ZNF799: variants seen among roughly 807,000 people sequenced by gnomAD.
The protein encoded by ZNF799 is zinc finger protein 14.
Under a neutral mutation model 41.0 loss-of-function variants are expected in ZNF799, and 28 were observed. The ratio of observed to expected loss-of-function variants is 0.68; its 90% CI spans 0.51 to 0.94. ZNF799 has a LOEUF of 0.94. Ranked by LOEUF, ZNF799 falls within the 40% of genes least tolerant of loss-of-function variation. The pLI is 0.00. For missense variants in ZNF799, 716 were observed against 764.3 expected (o/e 0.94, Z 0.74); for synonymous variants, 213 against 252.9 (o/e 0.84, Z 1.50).
rs1161889744 is a variant in ZNF799, at chr19:12,390,145, G to C, written c.*321C>G. 4.3e-6 allele frequency: 2 copies of C among 466,658 alleles called. No homozygotes were observed. The highest frequency in any genetic ancestry group is 7.6e-6 in the Non-Finnish European group (2 of 262,812). The allele number at this position is 466,658 out of a possible 1,614,324, so 28.9% of individuals were successfully genotyped here. ...TCATGAGTCCCTAAACAATACAATAGAACAACTATTTGCATAGCTTTTACA... is the reference window on the plus strand; with the variant it reads ...TCATGAGTCCCTAAACAATACAATACAACAACTATTTGCATAGCTTTTACA... On this transcript the variant is annotated 3_prime_UTR_variant, in exon 4 of 4. Transcript: ENST00000430385.
chr19:12,401,689 C>T (rs192074769), upstream of ZNF799, among the ~76,000 whole-genome samples: 177 of 151,240 alleles, frequency 1.2e-3, no homozygotes, highest in African/African-American at 4.2e-3. Flanking sequence ...ACAATTCTGC[C>T]TCAGCCTCCC....
upstream of ZNF799, among the ~76,000 whole-genome samples, chr19:12,404,978 G>A (rs1433688864): frequency 6.6e-6 from 1 of 152,064 alleles, no homozygotes; most frequent in Non-Finnish European, 1.5e-5. Flanking sequence ...CATTAATCTG[G>A]TGGGCACAAT....
rs778721750 is a variant in ZNF799, at chr19:12,390,902, G to A, written c.1496C>T (p.Thr499Ile). The change falls in exon 4 of 4, where the codon ACA becomes ATA. Residue 499 changes from threonine (T) to isoleucine (I), a missense_variant. Transcript: ENST00000430385. Reference protein sequence around the residue: ...QYLSQHRRTHTGEKPYECNTC... With the variant: ...QYLSQHRRTHIGEKPYECNTC... ...GTTACACTCATAAGGTTTCTCTCCT[G>A]TGTGAGTCCTTCTATGTTGAGAAAG... 6 of 1,613,772 alleles carry A rather than the reference G, an allele frequency of 3.7e-6. No homozygotes were observed. Among genetic ancestry groups the A allele is most frequent in the South Asian group, 1.1e-5 (1 of 91,072 alleles).
chr19:12,408,984 G>A, the ZNF799 span, among the ~76,000 whole-genome samples: 261 of 151,910 alleles, frequency 1.7e-3, no homozygotes, highest in African/African-American at 4.0e-3. Flanking sequence ...GCAGTGAGCC[G>A]AGATCGCGCC....
the ZNF799 span, among the ~76,000 whole-genome samples, chr19:12,410,173 A>G: frequency 1.6e-5 from 2 of 122,906 alleles, no homozygotes; most frequent in South Asian, 6.5e-4. Flanking sequence ...AAATATATAT[A>G]TATACATACA....
At chr19:12,399,084 A>C (rs957961303) in intron 1 of ZNF799, among the ~76,000 whole-genome samples, 14 of 152,310 alleles carry the variant, frequency 9.2e-5, no homozygotes, top group Middle Eastern at 6.8e-3. Context: ...ATGTATTTTA[A>C]GGTTAATCAA....
chr19:12,404,335 A>G (rs1970016110), upstream of ZNF799, among the ~76,000 whole-genome samples: 1 of 152,196 alleles, frequency 6.6e-6, no homozygotes, highest in Admixed American at 6.5e-5. Context: ...ATATTGAGAT[A>G]ATCTTTGTCG....
chr19:12,400,988 C>G (rs190438104), intron 1 of ZNF799, 80 bp downstream of exon 1: 1 of 1,612,854 alleles, frequency 6.2e-7, no homozygotes, highest in Non-Finnish European at 8.5e-7. Flanking sequence ...CTTGGGGAGG[C>G]CCGGGTCCAG....
intron 1 of ZNF799, chr19:12,400,300 G>C (rs1969956590): frequency 9.9e-5 from 15 of 152,204 alleles, no homozygotes; most frequent in Admixed American, 9.2e-4. Flanking sequence ...CTGGTGACTC[G>C]TCGTCACCGT....
chr19:12,391,575 G>C lies in ZNF799; in HGVS notation c.823C>G (p.His275Asp). The C allele has an allele frequency of 6.2e-7, 1 of 1,614,146 alleles. No homozygotes were observed. Among genetic ancestry groups the C allele is most frequent in the South Asian group, 1.1e-5 (1 of 91,080 alleles). ...CATGTATAGGGTTTCTTTCCAGTGT[G>C]AGTTCTTTCATGTCTTAGACAAGAA... Reference protein sequence around the residue: ...YSSCLRHERTHTGKKPYTCKQ... With the variant: ...YSSCLRHERTDTGKKPYTCKQ... Residue 275 changes from histidine to aspartate, a missense_variant, in exon 4 of 4, where the codon CAC becomes GAC. By Grantham distance (81) the His-to-Asp change is moderately conservative (BLOSUM62 -1). Around this residue, in one of 2 missense-constraint regions of ZNF799, gnomAD observed 698 missense variants for 713.6 expected, o/e 0.98. Coordinates refer to ENST00000430385, the MANE Select transcript of ZNF799 (RefSeq NM_001080821.3).
the ZNF799 span, among the ~76,000 whole-genome samples, chr19:12,413,015 G>T: frequency 7.5e-6 from 1 of 132,906 alleles, no homozygotes; most frequent in Non-Finnish European, 1.5e-5. Context: ...CCATTGCACT[G>T]CAGCATGGGC....
In ZNF799 at chr19:12,392,554, T is replaced by G. The variant is rs537396045; in HGVS notation, c.191+49A>C. The G allele has an allele frequency of 2.7e-6, 4 of 1,477,320 alleles. No individual in the cohort carries two copies. The East Asian group carries it at 9.1e-5, about 34-fold the overall frequency. The allele number at this position is 1,477,320 out of a possible 1,614,324, so 91.5% of individuals were successfully genotyped here. On this transcript the variant is annotated intron_variant, in intron 3 of 3. Coordinates refer to ENST00000430385, the MANE Select transcript of ZNF799 (RefSeq NM_001080821.3). ...GCTTGTTTTTAAATTTTCATATCAT[T>G]CTCAGAACGGCTCCAGGGACATATC...
chr19:12,390,587 T>C lies in ZNF799; in HGVS notation c.1811A>G (p.His604Arg), dbSNP rs1467050159. Residue 604 changes from histidine to arginine, a missense_variant, in exon 4 of 4, where the codon CAT (histidine) becomes CGT (arginine). Transcript: ENST00000430385. ...GKAFASLSSL[H>R]RHKKTHWKKT... ...TTTCCAGTGAGTCTTTTTATGTCTATGCAAGGAACTGAGAGAAGCAAATGC... is the reference window on the plus strand; with the variant it reads ...TTTCCAGTGAGTCTTTTTATGTCTACGCAAGGAACTGAGAGAAGCAAATGC... 4.3e-6 allele frequency: 7 copies of C among 1,613,810 alleles called. No individual in the cohort carries two copies. The Admixed American group carries it at 1.0e-4, about 23-fold the overall frequency.
At position 12,391,093 on chromosome 19, in the gene ZNF799, A is replaced by G. The variant is rs556226523; in HGVS notation, c.1305T>C (p.Ser435=). Residue 435 remains serine, a synonymous_variant, in exon 4 of 4, where the codon TCT becomes TCC. Transcript: ENST00000430385. ...TATGAGTTGTTTCATGCCTTCGAAGAGAACTGGAAATACGGTAGGCTTTGC... is the reference window on the plus strand; with the variant it reads ...TATGAGTTGTTTCATGCCTTCGAAGGGAACTGGAAATACGGTAGGCTTTGC... ...QCGKAYRISS[S]LRRHETTHTG... 2.1e-4 allele frequency: 333 copies of G among 1,614,064 alleles called. 2 individuals are homozygous for G. In the African/African-American group the frequency reaches 2.9e-3, roughly 14 times the overall value.
chr19:12,398,165 A>C (rs1969927755), intron 1 of ZNF799: 1 of 152,032 alleles, frequency 6.6e-6, no homozygotes, highest in Non-Finnish European at 1.5e-5. Flanking sequence ...AGGCTGAGGC[A>C]GGAGAATCGC....
chr19:12,396,818 G>C (rs1057361870), intron 1 of ZNF799, among the ~76,000 whole-genome samples: 1 of 151,360 alleles, frequency 6.6e-6, no homozygotes, highest in African/African-American at 2.4e-5. Flanking sequence ...AAAAAAAAAG[G>C]AATGAAATTG....
chr19:12,400,979 T>C (rs1969973728), intron 1 of ZNF799, 89 bp downstream of exon 1: 3 of 1,611,562 alleles, frequency 1.9e-6, no homozygotes, highest in Non-Finnish European at 2.5e-6. Flanking sequence ...GGAGTAGCCC[T>C]TGGGGAGGCC....
chr19:12,398,589 A>C (rs1321235023), intron 1 of ZNF799, among the ~76,000 whole-genome samples: 1 of 152,198 alleles, frequency 6.6e-6, no homozygotes, highest in African/African-American at 2.4e-5. Flanking sequence ...TTACTTCTTT[A>C]GCTGTTGGAA....
Position 12,390,461 on chromosome 19 carries a change from G to C in ZNF799, c.*5C>G, listed in dbSNP as rs761249646. 3.7e-6 allele frequency: 6 copies of C among 1,612,646 alleles called. No homozygotes were observed. The African/African-American group carries it at 6.7e-5, about 18-fold the overall frequency. On this transcript the variant is annotated 3_prime_UTR_variant, in exon 4 of 4. Transcript: ENST00000430385. ...TTCCCACATTCCATACATTTAGAGA[G>C]AATGCTAGTGAGTCTTTTTATGTCT...
Sources: gnomAD v4.1 joint callset for allele counts (sites outside exome capture counted in the v4.1 genomes callset) on GRCh38, gnomAD v4.1.1 for gene constraint, gnomAD v4.1.1 regional missense constraint, MANE v1.5 for transcripts, NCBI Gene and HGNC (gene_info 2026-07-23, HGNC 2026-07-21) for gene names.